The following KCNC2 variants were observed in gnomAD, a reference collection of about 807,000 sequenced individuals.
KCNC2 encodes the protein potassium voltage-gated channel subfamily C member 2, also known as voltage-gated potassium channel KCNC2.
In KCNC2, 21 loss-of-function variants were observed where a neutral mutation model predicts 44.5. The ratio of observed to expected loss-of-function variants is 0.47; its 90% CI spans 0.33 to 0.68. The LOEUF (loss-of-function observed/expected upper bound fraction) is 0.68. Ranked by LOEUF, KCNC2 falls within the 30% of genes least tolerant of loss-of-function variation. KCNC2 has a pLI of 0.01. For missense variants in KCNC2, 589 were observed against 826.2 expected (o/e 0.71, Z 3.52); for synonymous variants, 391 against 339.1 (o/e 1.15, Z -1.68).
At chr12:75,169,912 G>A (rs995984773) in intron 2 of KCNC2, among the ~76,000 whole-genome samples, 3 of 151,578 alleles carry the variant, frequency 2.0e-5, no homozygotes, top group Non-Finnish European at 4.4e-5. Flanking sequence ...TTAAACCAAG[G>A]ACCTGATTGC....
chr12:75,156,008 C>G (rs550241755), intron 2 of KCNC2, among the ~76,000 whole-genome samples: 1 of 151,820 alleles, frequency 6.6e-6, no homozygotes, highest in South Asian at 2.1e-4. Flanking sequence ...TGGAGTTGGG[C>G]TTCATTGTTT....
chr12:75,079,872 A>T (rs915669694), intron 2 of KCNC2, among the ~76,000 whole-genome samples: 7 of 152,178 alleles, frequency 4.6e-5, no homozygotes, highest in Non-Finnish European at 8.8e-5. Context: ...CCAAAACATT[A>T]TCTTCATGGA....
chr12:75,049,139 C>G (rs1880888085), intron 3 of KCNC2, among the ~76,000 whole-genome samples: 1 of 152,120 alleles, frequency 6.6e-6, no homozygotes, highest in African/African-American at 2.4e-5. Flanking sequence ...GAAGAATTTG[C>G]ATAGCAATCT....
chr12:75,051,820 T>C (rs1008217487), intron 2 of KCNC2, among the ~76,000 whole-genome samples: 1 of 152,082 alleles, frequency 6.6e-6, no homozygotes, highest in African/African-American at 2.4e-5. Flanking sequence ...GGATATCGTA[T>C]GGTAACAGCA....
chr12:75,163,536 G>A (rs577081006), intron 2 of KCNC2, among the ~76,000 whole-genome samples: 5 of 151,722 alleles, frequency 3.3e-5, no homozygotes, highest in South Asian at 4.1e-4. Context: ...AGCACTAAAC[G>A]CAACATTAAG....
At chr12:75,199,689 A>C (rs1184960484) in intron 2 of KCNC2, among the ~76,000 whole-genome samples, 1 of 151,812 alleles carries the variant, frequency 6.6e-6, no homozygotes, top group Non-Finnish European at 1.5e-5. Context: ...TCTTCAATTC[A>C]CCAGTCATCC....
Position 75,159,249 on chromosome 12 carries a change from C to G in KCNC2, c.687+48048G>C, listed in dbSNP as rs1890965289. 2.0e-5 allele frequency among the ~76,000 whole-genome samples: 3 copies of G among 151,570 alleles called. No homozygotes were observed. In the South Asian group the frequency reaches 6.2e-4, roughly 32 times the overall value. On this transcript the variant is annotated intron_variant, in intron 2 of 4. Transcript: ENST00000549446. ...AAACCTGCACATTCTGCACATGTAT[C>G]CCAGAATTTAAAGTATAATAAAAAT...
chr12:75,154,390 G>T (rs1239718552), intron 2 of KCNC2, among the ~76,000 whole-genome samples: 1 of 151,978 alleles, frequency 6.6e-6, no homozygotes, highest in African/African-American at 2.4e-5. Context: ...CCTTAGTTGA[G>T]TTCTCCTTTC....
At chr12:75,092,281 T>C (rs1428749983) in intron 2 of KCNC2, among the ~76,000 whole-genome samples, 1 of 151,614 alleles carries the variant, frequency 6.6e-6, no homozygotes, top group African/African-American at 2.4e-5. Flanking sequence ...CTCCTCAAAA[T>C]CATGCAGAAA....
intron 2 of KCNC2, among the ~76,000 whole-genome samples, chr12:75,165,219 A>G (rs995016629): frequency 6.6e-6 from 1 of 151,652 alleles, no homozygotes; most frequent in Non-Finnish European, 1.5e-5. Context: ...ATGTAAGCAT[A>G]CAAATGCATA....
chr12:75,133,571 T>A (rs115639674), intron 2 of KCNC2, among the ~76,000 whole-genome samples: 3,529 of 152,090 alleles, frequency 0.023, 141 homozygotes, highest in African/African-American at 0.08. Context: ...CTTAGCATGA[T>A]CCTGAACCCT....
chr12:75,117,313 C>A (rs113585033), intron 2 of KCNC2, among the ~76,000 whole-genome samples: 7 of 152,258 alleles, frequency 4.6e-5, no homozygotes, highest in African/African-American at 1.7e-4. Context: ...TGTCAACAGG[C>A]TGGTCCTGCA....
chr12:75,138,935 C>A (rs2471661), intron 2 of KCNC2, among the ~76,000 whole-genome samples: 1 of 139,704 alleles, frequency 7.2e-6, no homozygotes, highest in South Asian at 2.3e-4. Context: ...GAGCGGAGAT[C>A]GCGCCACTGC....
At chr12:75,140,642 GAAT>G (rs1241897873) in intron 2 of KCNC2, among the ~76,000 whole-genome samples, 14 of 151,260 alleles carry the variant, frequency 9.3e-5, no homozygotes, top group Admixed American at 3.9e-4. Context: ...GTCTACTCAT[GAAT>G]AAATGGAAAA....
At chr12:75,094,729 A>G (rs1275395867) in intron 2 of KCNC2, among the ~76,000 whole-genome samples, 1 of 151,718 alleles carries the variant, frequency 6.6e-6, no homozygotes, top group African/African-American at 2.4e-5. Flanking sequence ...ATCAGAGCTG[A>G]TAAGGATTAA....
intron 2 of KCNC2, among the ~76,000 whole-genome samples, chr12:75,085,967 C>T (rs560964732): frequency 5.5e-4 from 83 of 152,062 alleles, no homozygotes; most frequent in African/African-American, 1.9e-3. Context: ...TTTCTCAGTA[C>T]ACTTTTTTTT....
chr12:75,156,668 A>G (rs1890781686), intron 2 of KCNC2, among the ~76,000 whole-genome samples: 1 of 151,896 alleles, frequency 6.6e-6, no homozygotes, highest in Non-Finnish European at 1.5e-5. Flanking sequence ...ACAATAAACT[A>G]TCTAAAGCAC....
Position 75,042,582 on chromosome 12 carries a change from C to A in KCNC2, c.*523G>T. ...TTCATATCAGCAGGATGGTTCGATG[C>A]AAGTACACATATCCTGAGCTATCCA... On this transcript the variant is annotated 3_prime_UTR_variant, in exon 5 of 5. Transcript: ENST00000549446. 7.3e-7 allele frequency: 1 copy of A among 1,367,632 alleles called. No individual in the cohort carries two copies. Among genetic ancestry groups the A allele is most frequent in the Non-Finnish European group, 9.4e-7 (1 of 1,061,990 alleles). 84.7% of individuals were successfully genotyped at this position (1,367,632 alleles called of 1,614,324 possible). A position where few individuals can be genotyped will look rare whatever the true frequency, so the allele number is the denominator to read the frequency against.
chr12:75,104,383 T>A (rs1010814276), intron 2 of KCNC2, among the ~76,000 whole-genome samples: 1 of 152,200 alleles, frequency 6.6e-6, no homozygotes, highest in African/African-American at 2.4e-5. Flanking sequence ...TGTTTATTTC[T>A]GGAATTTTCA....
Sources: allele counts gnomAD v4.1 joint callset (sites outside exome capture counted in the v4.1 genomes callset), GRCh38; gene constraint gnomAD v4.1.1; transcripts MANE v1.5; gene names NCBI Gene and HGNC (gene_info 2026-07-23, HGNC 2026-07-21).